XRCC3: variants seen among roughly 807,000 people sequenced by gnomAD.
XRCC3 encodes the protein DNA repair protein XRCC3.
A neutral mutation model predicts 29.2 loss-of-function variants in XRCC3; 34 were observed. The ratio of observed to expected loss-of-function variants is 1.16; its 90% CI spans 0.88 to 1.55. The LOEUF is 1.55. Ranked by LOEUF, XRCC3 falls within the 40% of genes most tolerant of loss-of-function variation. The pLI, the probability that XRCC3 is intolerant of heterozygous loss-of-function variation, is 0.00. For missense variants in XRCC3, 463 were observed against 467.6 expected, an observed-to-expected ratio of 0.99 and a Z score of 0.09; for synonymous variants, 223 against 211.3, an observed-to-expected ratio of 1.06 and a Z score of -0.48.
chr14:103,700,819 C>A, intron 7 of XRCC3: 1 of 1,040,964 alleles, frequency 9.6e-7, no homozygotes, highest in Non-Finnish European at 1.4e-6. Context: ...TGGGGATGGG[C>A]AAGTGGTGAC....
chr14:103,705,868 C>T (rs960911981), intron 6 of XRCC3: 1 of 170,366 alleles, frequency 5.9e-6, no homozygotes, highest in Non-Finnish European at 1.3e-5. Flanking sequence ...CCGTCCCGTT[C>T]CTGAGCACGC....
At chr14:103,699,717 A>G in intron 7 of XRCC3, 141 bp from the exon 8 acceptor site, 1 of 779,346 alleles carries the variant, frequency 1.3e-6, no homozygotes, top group South Asian at 1.5e-5. Flanking sequence ...TGTAGTCCCC[A>G]TACTCTGAGC....
intron 7 of XRCC3, chr14:103,702,345 CT>C (rs1460742954): frequency 2.0e-5 from 3 of 152,386 alleles, no homozygotes; most frequent in African/African-American, 7.2e-5. Context: ...GGTGGAGCCC[CT>C]GTGCCCCTAG....
At chr14:103,700,717 C>G (rs200293176) in intron 7 of XRCC3, 1 of 1,600,362 alleles carries the variant, frequency 6.2e-7, no homozygotes, top group East Asian at 2.3e-5. Context: ...CTGGAAGACG[C>G]CACCGCTAAC....
At chr14:103,711,434 C>T (rs2083625589) in intron 3 of XRCC3, 32 bp downstream of exon 3, 1 of 522,546 alleles carries the variant, frequency 1.9e-6, no homozygotes, top group Non-Finnish European at 3.7e-6. Flanking sequence ...AGACCATCCT[C>T]CTGCAGCAGT....
intron 4 of XRCC3, chr14:103,709,570 A>T (rs945329591): frequency 1.3e-5 from 2 of 152,230 alleles, no homozygotes; most frequent in African/African-American, 4.8e-5. Context: ...AAACACAAGG[A>T]GATGGAAGGG....
At chr14:103,703,414 A>G in intron 6 of XRCC3, 87 bp from the exon 7 acceptor site, 4 of 1,416,018 alleles carry the variant, frequency 2.8e-6, no homozygotes, top group African/African-American at 1.4e-5. Context: ...GTCTCCCGCC[A>G]TTTCTAACTC....
chr14:103,710,252 A>G (rs991810704), intron 4 of XRCC3: 1 of 152,394 alleles, frequency 6.6e-6, no homozygotes, highest in Admixed American at 6.5e-5. Context: ...CAACCCTGAC[A>G]GCTGATGTCA....
chr14:103,707,338 G>A (rs766123296), intron 5 of XRCC3, 123 bp from the exon 6 acceptor site: 51 of 1,246,242 alleles, frequency 4.1e-5, no homozygotes, highest in South Asian at 1.6e-4. Flanking sequence ...AGGTGCCTGC[G>A]GTCATGGGGG....
intron 4 of XRCC3, chr14:103,708,964 A>T: frequency 2.5e-6 from 1 of 394,152 alleles, no homozygotes; most frequent in Admixed American, 3.6e-5. Flanking sequence ...TGCTGAGAGC[A>T]GGTTCCGGTA....
intron 4 of XRCC3, chr14:103,708,963 C>T: frequency 2.5e-6 from 1 of 400,966 alleles, no homozygotes; most frequent in Non-Finnish European, 4.7e-6. Flanking sequence ...GTGCTGAGAG[C>T]AGGTTCCGGT....
At chr14:103,707,388 G>T in intron 5 of XRCC3, 173 bp from the exon 6 acceptor site, 1 of 790,148 alleles carries the variant, frequency 1.3e-6, no homozygotes, top group Non-Finnish European at 2.1e-6. Context: ...GCCCAGCCGG[G>T]AAGGGCGGGT....
intron 6 of XRCC3, 87 bp from the exon 7 acceptor site, chr14:103,703,414 A>C: frequency 3.5e-6 from 5 of 1,416,018 alleles, no homozygotes; most frequent in Non-Finnish European, 4.8e-6. Flanking sequence ...GTCTCCCGCC[A>C]TTTCTAACTC....
intron 4 of XRCC3, 78 bp from the exon 5 acceptor site, chr14:103,708,737 G>C: frequency 6.3e-7 from 1 of 1,586,354 alleles, no homozygotes; most frequent in Non-Finnish European, 8.6e-7. Flanking sequence ...AAGGTGCTTT[G>C]TTAAGAGCAC....
At chr14:103,703,723 G>T (rs957718363) in intron 6 of XRCC3, 4 of 294,482 alleles carry the variant, frequency 1.4e-5, no homozygotes, top group Non-Finnish European at 2.7e-5. Context: ...TCTGGAAATG[G>T]CCCCTGAGCC....
intron 7 of XRCC3, chr14:103,701,555 GA>G: frequency 3.8e-6 from 1 of 265,696 alleles, no homozygotes; most frequent in Non-Finnish European, 7.1e-6. Flanking sequence ...TGCTTTACTT[GA>G]AAGTTTTTAT....
At chr14:103,701,499 C>T (rs981197769) in intron 7 of XRCC3, 26 of 397,890 alleles carry the variant, frequency 6.5e-5, no homozygotes, top group Non-Finnish European at 6.3e-5. Context: ...TGTGCGATAA[C>T]GTATTTTATT....
chr14:103,700,055 A>T (rs987683962), intron 7 of XRCC3: 1 of 245,364 alleles, frequency 4.1e-6, no homozygotes, highest in Non-Finnish European at 8.1e-6. Flanking sequence ...TGACCTCTTC[A>T]GACGCTCAGC....
chr14:103,702,087 A>C (rs1486831231), intron 7 of XRCC3: 1 of 152,272 alleles, frequency 6.6e-6, no homozygotes, highest in Non-Finnish European at 1.5e-5. Flanking sequence ...GATGTCTATA[A>C]ACTAAGCACT....
Sources: gnomAD v4.1 joint callset for allele counts on GRCh38, gnomAD v4.1.1 for gene constraint, MANE v1.5 for transcripts, NCBI Gene and HGNC (gene_info 2026-07-23, HGNC 2026-07-21) for gene names.